MAPK4: variants seen among roughly 807,000 people sequenced by gnomAD.
The protein encoded by MAPK4 is mitogen-activated protein kinase 4.
In MAPK4, 22 loss-of-function variants were observed where a neutral mutation model predicts 47.7. The ratio of observed to expected loss-of-function variants is 0.46; its 90% CI spans 0.33 to 0.66. The LOEUF (loss-of-function observed/expected upper bound fraction) is 0.66, where lower values mean the gene tolerates loss of function less well. MAPK4 is among the 30% of genes least tolerant of loss of function. The pLI is 0.02. For missense variants in MAPK4, 736 were observed against 831.7 expected, an observed-to-expected ratio of 0.88 and a Z score of 1.42; for synonymous variants, 390 against 365.7, an observed-to-expected ratio of 1.07 and a Z score of -0.76.
chr18:50,614,766 A>T (rs2042669222), intron 1 of MAPK4, among the ~76,000 whole-genome samples: 1 of 152,170 alleles, frequency 6.6e-6, no homozygotes, highest in South Asian at 2.1e-4. Context: ...TTCATATGTA[A>T]CTCTTGTGGT....
rs566825931 is a variant in MAPK4, at chr18:50,673,485, G to A, written c.546+8981G>A. ...AGTGTGTTTCATGCAGTGCAGGCTT[G>A]CTGGTGACAAATCCTTTGTTTACCT... On this transcript the variant is annotated intron_variant, in intron 2 of 5. Coordinates refer to ENST00000400384, the MANE Select transcript of MAPK4 (RefSeq NM_002747.4). 2.0e-5 allele frequency among the ~76,000 whole-genome samples: 3 copies of A among 152,340 alleles called. No homozygotes were observed. The South Asian group carries it at 6.2e-4, about 32-fold the overall frequency.
intron 1 of MAPK4, among the ~76,000 whole-genome samples, chr18:50,630,655 T>A (rs2042820905): frequency 6.6e-6 from 1 of 152,236 alleles, no homozygotes; most frequent in African/African-American, 2.4e-5. Context: ...TCCTCTGCAC[T>A]CCTCTGATCC....
chr18:50,626,397 T>G lies in MAPK4; in HGVS notation c.-870-36692T>G, dbSNP rs567085997. The stretch of plus-strand genomic sequence containing the variant: ...GGGAGAGGTGGACTTGAACCAACCT[T>G]GGGGATGGCTTGGGCATCATGGCGT... On this transcript the variant is annotated intron_variant, in intron 1 of 5. Transcript: ENST00000400384. Among the ~76,000 whole-genome samples the G allele has an allele frequency of 8.2e-4, 125 of 152,146 alleles. 1 individual carries two copies. The highest frequency in any genetic ancestry group is 7.5e-3 in the Admixed American group (115 of 15,294).
chr18:50,664,984 G>A lies in MAPK4; in HGVS notation c.546+480G>A, dbSNP rs1276828538. On this transcript the variant is annotated intron_variant, in intron 2 of 5. Coordinates refer to ENST00000400384, the MANE Select transcript of MAPK4 (RefSeq NM_002747.4). This position sits in a 1 kb window ranked among gnomAD's most constrained non-coding sequence, Gnocchi z 6.0. ...ACCCATTCGGTGTCCATTTCTCTCA[G>A]TCAGTGGACAGCAGGCACAAATTGT... Among the ~76,000 whole-genome samples, 1 of 152,144 alleles carries A rather than the reference G, an allele frequency of 6.6e-6. No individual in the cohort carries two copies. The highest frequency in any genetic ancestry group is 1.5e-5 in the Non-Finnish European group (1 of 68,034).
At chr18:50,721,093 T>C (rs1910912605) in intron 3 of MAPK4, among the ~76,000 whole-genome samples, 1 of 151,556 alleles carries the variant, frequency 6.6e-6, no homozygotes, top group African/African-American at 2.4e-5. Context: ...AAAGAGAAAA[T>C]GGAAGTACAG....
chr18:50,616,753 A>C (rs1448632052), intron 1 of MAPK4, among the ~76,000 whole-genome samples: 1 of 152,204 alleles, frequency 6.6e-6, no homozygotes, highest in Non-Finnish European at 1.5e-5. Flanking sequence ...AACATGGGAG[A>C]AAGATGAAGA....
Position 50,667,164 on chromosome 18 carries a change from A to T in MAPK4, c.546+2660A>T, listed in dbSNP as rs568866879. Among the ~76,000 whole-genome samples the T allele has an allele frequency of 8.5e-5, 13 of 152,246 alleles. No individual in the cohort carries two copies. The South Asian group carries it at 1.5e-3, about 17-fold the overall frequency. ...CCATCATGGGTATCTTCTAAGACTC[A>T]TCACTCTCTGCTCTGTCCTAGGAGT... On this transcript the variant is annotated intron_variant, in intron 2 of 5. Coordinates refer to ENST00000400384, the MANE Select transcript of MAPK4 (RefSeq NM_002747.4).
chr18:50,615,988 A>G (rs759994591), intron 1 of MAPK4, among the ~76,000 whole-genome samples: 3 of 152,222 alleles, frequency 2.0e-5, no homozygotes, highest in African/African-American at 7.2e-5. Flanking sequence ...TTCTTTTTCC[A>G]TAAAATGAGG....
In MAPK4 at chr18:50,729,452, C is replaced by A. The variant is rs1911409645; in HGVS notation, c.1362C>A (p.Pro454=). The A allele has an allele frequency of 6.6e-7, 1 of 1,525,426 alleles. No homozygotes were observed. The highest frequency in any genetic ancestry group is 8.8e-7 in the Non-Finnish European group (1 of 1,131,164). 94.5% of individuals were successfully genotyped at this position (1,525,426 alleles called of 1,614,324 possible). A position where few individuals can be genotyped will look rare whatever the true frequency, so the allele number is the denominator to read the frequency against. ...ACAAGCCGCACCACTACTCGGAGCC[C>A]AAGCTCATCCTGGACCTGTCGCACT... The part of the protein sequence containing the change: ...RDNKPHHYSE[P]KLILDLSHWK... Residue 454 remains proline (P), a synonymous_variant, in exon 6 of 6, where the codon CCC becomes CCA. Transcript: ENST00000400384.
intron 1 of MAPK4, among the ~76,000 whole-genome samples, chr18:50,615,675 A>G (rs1390653937): frequency 6.6e-6 from 1 of 152,244 alleles, no homozygotes; most frequent in African/African-American, 2.4e-5. Flanking sequence ...CATTTGGGTG[A>G]CAACTGGTAA....
rs2042139304 is a variant in MAPK4 at position 50,560,145 on chromosome 18, C to A, written c.-969C>A. 1 of 149,574 alleles carries A rather than the reference C, an allele frequency of 6.7e-6. No individual in the cohort carries two copies. The highest frequency in any genetic ancestry group is 1.5e-5 in the Non-Finnish European group (1 of 67,028). 9.3% of individuals were successfully genotyped at this position (149,574 alleles called of 1,614,324 possible). A position where few individuals can be genotyped will look rare whatever the true frequency, so the allele number is the denominator to read the frequency against. On this transcript the variant is annotated 5_prime_UTR_variant, in exon 1 of 6. Coordinates refer to ENST00000400384, the MANE Select transcript of MAPK4 (RefSeq NM_002747.4). Reference sequence around the variant, plus strand: ...GGGGCGACCGCGGGAGCTCGCCGTGCGCCGTGGCTGGGACCGGCCTGGCCG... The same window carrying A: ...GGGGCGACCGCGGGAGCTCGCCGTGAGCCGTGGCTGGGACCGGCCTGGCCG...
intron 1 of MAPK4, among the ~76,000 whole-genome samples, chr18:50,593,115 G>T (rs984132116): frequency 1.3e-5 from 2 of 152,196 alleles, no homozygotes; most frequent in Non-Finnish European, 2.9e-5. Context: ...TGGAACACAG[G>T]CAACCAGCCT....
intron 3 of MAPK4, among the ~76,000 whole-genome samples, chr18:50,716,007 A>C (rs576855892): frequency 6.7e-6 from 1 of 149,662 alleles, no homozygotes; most frequent in Admixed American, 6.7e-5. Flanking sequence ...TGCTTAGAAA[A>C]CTCCTAGTGA....
chr18:50,629,713 T>TG (rs34970581), intron 1 of MAPK4: 2 of 152,170 alleles, frequency 1.3e-5, no homozygotes, highest in Non-Finnish European at 2.9e-5. Context: ...GGCAGGGGGT[T>TG]GGGGGTTGAG....
At chr18:50,603,817 G>T (rs2042561196) in intron 1 of MAPK4, among the ~76,000 whole-genome samples, 1 of 152,128 alleles carries the variant, frequency 6.6e-6, no homozygotes, top group African/African-American at 2.4e-5. Context: ...ACAAATTCTG[G>T]AGGTTGTAAT....
Position 50,626,843 on chromosome 18 carries a change from C to T in MAPK4, c.-870-36246C>T, listed in dbSNP as rs533450111. 6.4e-4 allele frequency among the ~76,000 whole-genome samples: 97 copies of T among 152,302 alleles called. No homozygotes were observed. In the Middle Eastern group the frequency reaches 0.01, roughly 16 times the overall value. On this transcript the variant is annotated intron_variant, in intron 1 of 5. Coordinates refer to ENST00000400384, the MANE Select transcript of MAPK4 (RefSeq NM_002747.4). ...AACCCTGTGCCCTAGTGACTCTTTG[C>T]GCTTGCACGTGGTGTCATTTATTAT...
intron 2 of MAPK4, among the ~76,000 whole-genome samples, chr18:50,668,465 C>A (rs540360024): frequency 6.6e-6 from 1 of 152,196 alleles, no homozygotes; most frequent in East Asian, 1.9e-4. Flanking sequence ...CAACTGGCCA[C>A]GTCGAGGTTT....
intron 2 of MAPK4, among the ~76,000 whole-genome samples, chr18:50,711,211 A>T (rs1910341757): frequency 1.3e-5 from 2 of 152,210 alleles, no homozygotes; most frequent in Admixed American, 1.3e-4. Context: ...AGCTGCTGCT[A>T]GATTATTTCC....
At position 50,722,011 on chromosome 18, in the gene MAPK4, G is replaced by A. The variant is rs1910960946; in HGVS notation, c.765G>A (p.Glu255=). 6.2e-7 allele frequency: 1 copy of A among 1,614,076 alleles called. No individual in the cohort carries two copies. The highest frequency in any genetic ancestry group is 8.5e-7 in the Non-Finnish European group (1 of 1,180,006). The change falls in exon 4 of 6, where the codon GAG becomes GAA. Residue 255 remains glutamate, a synonymous_variant. Coordinates refer to ENST00000400384, the MANE Select transcript of MAPK4 (RefSeq NM_002747.4). ...IPVIREEDKD[E]LLRVMPSFVS... ...TAATCCGGGAGGAAGACAAGGACGA[G>A]CTGCTCAGGGTGATGCCTTCCTTTG...
Sources: allele counts gnomAD v4.1 joint callset (sites outside exome capture counted in the v4.1 genomes callset), GRCh38; gene constraint gnomAD v4.1.1; non-coding constraint Gnocchi (gnomAD v3.1); transcripts MANE v1.5; gene names NCBI Gene and HGNC (gene_info 2026-07-23, HGNC 2026-07-21).